The following LATS2 variants were observed in gnomAD, a reference collection of about 807,000 sequenced individuals.
LATS2 encodes serine/threonine-protein kinase LATS2.
Under a neutral mutation model 76.0 loss-of-function variants are expected in LATS2, and 24 were observed. That is an observed-to-expected ratio of 0.32 (90% CI 0.23 to 0.44). The LOEUF (loss-of-function observed/expected upper bound fraction) is 0.44, where lower values mean the gene tolerates loss of function less well. Ranked by LOEUF, LATS2 falls within the 20% of genes least tolerant of loss-of-function variation. The pLI is 1.00. For missense variants in LATS2, 1,286 were observed against 1,481.2 expected (o/e 0.87, Z 2.16); for synonymous variants, 692 against 635.4 (o/e 1.09, Z -1.34).
chr13:21,005,121 G>A lies in LATS2; in HGVS notation c.343-13717C>T, dbSNP rs145334455. 109 of 152,310 alleles carry A rather than the reference G, an allele frequency of 7.2e-4. 2 individuals carry two copies. Among genetic ancestry groups the A allele is most frequent in the African/African-American group, 2.3e-3 (97 of 41,554 alleles). The allele number at this position is 152,310 out of a possible 1,614,324, so 9.4% of individuals were successfully genotyped here. A position where few individuals can be genotyped will look rare whatever the true frequency, so the allele number is the denominator to read the frequency against. On this transcript the variant is annotated intron_variant, in intron 2 of 7. Transcript: ENST00000382592. Reference sequence around the variant, plus strand: ...CAAGAGGGCTTGGTGTCATGACTAGGTAGAGGCCCATGTTTTCCCAACACA... The same window carrying A: ...CAAGAGGGCTTGGTGTCATGACTAGATAGAGGCCCATGTTTTCCCAACACA...
chr13:21,014,377 C>T (rs919079651), intron 2 of LATS2, among the ~76,000 whole-genome samples: 8 of 152,160 alleles, frequency 5.3e-5, no homozygotes, highest in African/African-American at 1.9e-4. Context: ...CCCTGACAAC[C>T]AGGGTCAACA....
chr13:20,990,699 G>A (rs1465989962), intron 3 of LATS2, among the ~76,000 whole-genome samples: 1 of 151,922 alleles, frequency 6.6e-6, no homozygotes, highest in African/African-American at 2.4e-5. Context: ...CCAATCACAG[G>A]GCCCATGTGC....
chr13:21,035,729 G>C (rs1281261864), intron 2 of LATS2, among the ~76,000 whole-genome samples: 1 of 152,166 alleles, frequency 6.6e-6, no homozygotes, highest in Non-Finnish European at 1.5e-5. Context: ...CTGCACACTG[G>C]GATAGAAGAG....
chr13:21,043,063 G>T (rs1872940419), intron 2 of LATS2, among the ~76,000 whole-genome samples: 1 of 151,940 alleles, frequency 6.6e-6, no homozygotes, highest in Non-Finnish European at 1.5e-5. Context: ...GCCAGACGTG[G>T]TGACGCACGC....
chr13:21,048,715 T>C (rs776205810), intron 1 of LATS2, among the ~76,000 whole-genome samples: 1 of 151,980 alleles, frequency 6.6e-6, no homozygotes, highest in Non-Finnish European at 1.5e-5. Flanking sequence ...CGGGTGCCTA[T>C]AATCCCAGCT....
chr13:21,037,766 G>A (rs1421021045), intron 2 of LATS2, among the ~76,000 whole-genome samples: 1 of 152,226 alleles, frequency 6.6e-6, no homozygotes, highest in Non-Finnish European at 1.5e-5. Context: ...AGCAGGGCCA[G>A]CACTGGGCAG....
At chr13:21,019,668 CAAAAA>C (rs1281059777) in intron 2 of LATS2, among the ~76,000 whole-genome samples, 7 of 86,594 alleles carry the variant, frequency 8.1e-5, no homozygotes, top group African/African-American at 2.2e-4. Context: ...TTTAATCTCT[CAAAAA>C]AAAAAAAAAA....
At chr13:21,035,581 A>G (rs1872662050) in intron 2 of LATS2, among the ~76,000 whole-genome samples, 1 of 152,240 alleles carries the variant, frequency 6.6e-6, no homozygotes, top group African/African-American at 2.4e-5. Flanking sequence ...GTTCCCGCCT[A>G]GATCTCTACA....
intron 2 of LATS2, among the ~76,000 whole-genome samples, chr13:21,011,005 A>ATTGG (rs1871573717): frequency 6.6e-6 from 1 of 152,254 alleles, no homozygotes; most frequent in Admixed American, 6.5e-5. Context: ...CCTGGTTTGC[A>ATTGG]AACTGCTCAT....
chr13:21,019,298 G>GTTATTATTA (rs72479904), intron 2 of LATS2, among the ~76,000 whole-genome samples: 7 of 144,572 alleles, frequency 4.8e-5, no homozygotes, highest in East Asian at 2.0e-4. Flanking sequence ...ACTTGGATTT[G>GTTATTATTA]TTATTATTAT....
At chr13:21,011,819 T>G in intron 2 of LATS2, among the ~76,000 whole-genome samples, 1 of 152,220 alleles carries the variant, frequency 6.6e-6, no homozygotes, top group East Asian at 1.9e-4. Context: ...TAGAGTGTAC[T>G]TACACAAACC....
At position 20,982,767 on chromosome 13, in the gene LATS2, G is replaced by A. The variant is rs542253872; in HGVS notation, c.2482+457C>T. On this transcript the variant is annotated intron_variant, in intron 5 of 7. Coordinates refer to ENST00000382592, the MANE Select transcript of LATS2 (RefSeq NM_014572.3). ...AGCACTTTGGGAGGCGGAGGCAGGC[G>A]GATCACCTGAGGTTGGGAGTTTGAG... 6.0e-5 allele frequency among the ~76,000 whole-genome samples: 9 copies of A among 151,128 alleles called. No individual in the cohort carries two copies. The East Asian group carries it at 8.0e-4, about 13-fold the overall frequency.
chr13:21,055,251 G>A (rs1873414549), intron 1 of LATS2, among the ~76,000 whole-genome samples: 1 of 152,032 alleles, frequency 6.6e-6, no homozygotes, highest in Admixed American at 6.6e-5. Flanking sequence ...CTTCACATAC[G>A]GGAAATTTTT....
In LATS2 at chr13:20,999,888, C is replaced by T. The variant is rs141235886; in HGVS notation, c.343-8484G>A. On this transcript the variant is annotated intron_variant, in intron 2 of 7. Coordinates refer to ENST00000382592, the MANE Select transcript of LATS2 (RefSeq NM_014572.3). ...CAAAAAAAAAAAAAAAATAGCCAGG[C>T]GTGGTGGCACACACCTATATAGTCC... 8.0e-3 allele frequency among the ~76,000 whole-genome samples: 1,152 copies of T among 144,362 alleles called. 17 individuals are homozygous for T. The highest frequency in any genetic ancestry group is 0.028 in the African/African-American group (1,095 of 39,754). 94.7% of individuals were successfully genotyped at this position (144,362 alleles called of 152,430 possible).
At chr13:21,032,986 T>A (rs1309500550) in intron 2 of LATS2, among the ~76,000 whole-genome samples, 1 of 151,480 alleles carries the variant, frequency 6.6e-6, no homozygotes, top group Non-Finnish European at 1.5e-5. Flanking sequence ...TAAGTGGAGA[T>A]CAGATTGGAA....
At chr13:21,054,901 C>G (rs1873402475) in intron 1 of LATS2, among the ~76,000 whole-genome samples, 1 of 152,226 alleles carries the variant, frequency 6.6e-6, no homozygotes, top group South Asian at 2.1e-4. Context: ...ACCCCACAAG[C>G]TGTTCTGATT....
chr13:21,041,495 G>C (rs554256304), intron 2 of LATS2, among the ~76,000 whole-genome samples: 2 of 152,068 alleles, frequency 1.3e-5, no homozygotes, highest in African/African-American at 2.4e-5. Flanking sequence ...ATGATAAAGT[G>C]GGGGGAAAGA....
At chr13:20,983,170 G>A (rs1869974279) in intron 5 of LATS2, 54 bp downstream of exon 5, 4 of 1,233,500 alleles carry the variant, frequency 3.2e-6, no homozygotes, top group South Asian at 1.4e-5. Context: ...TGCTTGCAAT[G>A]GGGTTAGTGA....
chr13:21,014,163 A>T (rs1250086329), intron 2 of LATS2, among the ~76,000 whole-genome samples: 1 of 152,156 alleles, frequency 6.6e-6, no homozygotes, highest in African/African-American at 2.4e-5. Context: ...AGAACAGGGT[A>T]ATATGAGTCG....
Sources: allele counts gnomAD v4.1 joint callset (sites outside exome capture counted in the v4.1 genomes callset), GRCh38; gene constraint gnomAD v4.1.1; transcripts MANE v1.5; gene names NCBI Gene and HGNC (gene_info 2026-07-23, HGNC 2026-07-21).